The following ST6GALNAC3 variants were observed in gnomAD, a reference collection of about 807,000 sequenced individuals.
The protein encoded by ST6GALNAC3 is alpha-N-acetylgalactosaminide alpha-2,6-sialyltransferase 3.
In ST6GALNAC3, 25 loss-of-function variants were observed where a neutral mutation model predicts 32.7. The observed-to-expected ratio is 0.76, with a 90% CI of 0.56 to 1.07. ST6GALNAC3 has a LOEUF of 1.07. ST6GALNAC3 is among the 50% of genes least tolerant of loss of function. ST6GALNAC3 has a pLI of 0.00. For synonymous variants in ST6GALNAC3, 129 were observed against 133.1 expected, an observed-to-expected ratio of 0.97 and a Z score of 0.21; for missense variants, 355 against 382.4, an observed-to-expected ratio of 0.93 and a Z score of 0.60.
intron 1 of ST6GALNAC3, among the ~76,000 whole-genome samples, chr1:76,304,512 G>A (rs576551328): frequency 6.6e-6 from 1 of 152,068 alleles, no homozygotes; most frequent in South Asian, 2.1e-4. Flanking sequence ...TACAGCAAGG[G>A]GGCCAGGAGG....
chr1:76,440,801 A>T (rs929318052), intron 3 of ST6GALNAC3, among the ~76,000 whole-genome samples: 1 of 152,174 alleles, frequency 6.6e-6, no homozygotes, highest in African/African-American at 2.4e-5. Flanking sequence ...AAACAACAAC[A>T]TAGAGGCTGG....
chr1:76,536,654 CAAAAA>C (rs35157329), intron 3 of ST6GALNAC3, among the ~76,000 whole-genome samples: 3 of 57,608 alleles, frequency 5.2e-5, no homozygotes, highest in Non-Finnish European at 6.5e-5. Flanking sequence ...AAATGGAAAG[CAAAAA>C]AAAAAAAAAA....
chr1:76,229,684 A>G (rs568451978), intron 1 of ST6GALNAC3, among the ~76,000 whole-genome samples: 21 of 152,216 alleles, frequency 1.4e-4, no homozygotes, highest in Non-Finnish European at 2.6e-4. Flanking sequence ...GATTCCATGT[A>G]GCTGTTGTTC....
At chr1:76,075,358 C>T (rs1218554551) in intron 1 of ST6GALNAC3, among the ~76,000 whole-genome samples, 1 of 150,914 alleles carries the variant, frequency 6.6e-6, no homozygotes, top group Non-Finnish European at 1.5e-5. Flanking sequence ...AAGACAGAAA[C>T]TTCTGAGTTT....
intron 3 of ST6GALNAC3, among the ~76,000 whole-genome samples, chr1:76,450,711 A>C (rs187979222): frequency 4.8e-4 from 73 of 152,328 alleles, no homozygotes; most frequent in Admixed American, 4.8e-3. Flanking sequence ...TGCTTGAGCC[A>C]TCTTGAGTCG....
intron 3 of ST6GALNAC3, among the ~76,000 whole-genome samples, chr1:76,436,165 A>C (rs984492171): frequency 2.0e-5 from 3 of 152,176 alleles, no homozygotes; most frequent in African/African-American, 7.2e-5. Flanking sequence ...ATTCGAATGC[A>C]AAAAGTGTAA....
chr1:76,238,812 G>T (rs1656804213), intron 1 of ST6GALNAC3, among the ~76,000 whole-genome samples: 1 of 152,090 alleles, frequency 6.6e-6, no homozygotes, highest in African/African-American at 2.4e-5. Context: ...CAAATATGAT[G>T]GATCCTATAC....
chr1:76,580,633 T>C (rs1646879123), intron 3 of ST6GALNAC3, among the ~76,000 whole-genome samples: 1 of 152,030 alleles, frequency 6.6e-6, no homozygotes, highest in Non-Finnish European at 1.5e-5. Context: ...TTTTTGTGTC[T>C]TCATCACTGT....
At position 76,455,614 on chromosome 1, in the gene ST6GALNAC3, T is replaced by C. The variant is rs116181008; in HGVS notation, c.623+43197T>C. ...CTACAAGTTGAAAACCAATTCTCCA[T>C]TGTGTCCGTTGCTCTCTTTATTTCA... On this transcript the variant is annotated intron_variant, in intron 3 of 4. Transcript: ENST00000328299. Among the ~76,000 whole-genome samples the C allele has an allele frequency of 5.1e-3, 779 of 152,282 alleles. 8 individuals are homozygous for C. The highest frequency in any genetic ancestry group is 0.017 in the African/African-American group (713 of 41,554).
chr1:76,578,154 A>G (rs1340850100), intron 3 of ST6GALNAC3, among the ~76,000 whole-genome samples: 1 of 152,096 alleles, frequency 6.6e-6, no homozygotes, highest in African/African-American at 2.4e-5. Context: ...TACATGCCAC[A>G]TATTTGGCTT....
intron 3 of ST6GALNAC3, among the ~76,000 whole-genome samples, chr1:76,520,038 C>T (rs1292084265): frequency 1.3e-5 from 2 of 151,530 alleles, no homozygotes; most frequent in African/African-American, 4.8e-5. Context: ...ATACATATTT[C>T]CATTTTATTT....
intron 1 of ST6GALNAC3, among the ~76,000 whole-genome samples, chr1:76,267,224 A>C (rs1658583924): frequency 6.6e-6 from 1 of 152,028 alleles, no homozygotes; most frequent in Non-Finnish European, 1.5e-5. Flanking sequence ...CTTGATCATG[A>C]CCCCTTGCCT....
chr1:76,367,917 T>C (rs1181143193), intron 2 of ST6GALNAC3, among the ~76,000 whole-genome samples: 2 of 152,218 alleles, frequency 1.3e-5, no homozygotes, highest in African/African-American at 4.8e-5. Flanking sequence ...CTTCTTTTCA[T>C]TGTGCCACAG....
At chr1:76,584,885 C>T (rs558381798) in intron 3 of ST6GALNAC3, among the ~76,000 whole-genome samples, 139 of 152,266 alleles carry the variant, frequency 9.1e-4, no homozygotes, top group African/African-American at 3.1e-3. Flanking sequence ...ATTTCAGAGG[C>T]CTTATGTAAT....
intron 1 of ST6GALNAC3, among the ~76,000 whole-genome samples, chr1:76,115,715 T>C (rs562547531): frequency 6.6e-6 from 1 of 152,216 alleles, no homozygotes; most frequent in African/African-American, 2.4e-5. Flanking sequence ...GCATCCCTTA[T>C]GCCTTCAGGG....
chr1:76,521,298 T>G (rs35754395), intron 3 of ST6GALNAC3, among the ~76,000 whole-genome samples: 1 of 145,036 alleles, frequency 6.9e-6, no homozygotes, highest in African/African-American at 2.8e-5. Flanking sequence ...TATATATATA[T>G]ACACACACAC....
chr1:76,221,854 C>A (rs1317187649), intron 1 of ST6GALNAC3, among the ~76,000 whole-genome samples: 1 of 152,074 alleles, frequency 6.6e-6, no homozygotes, highest in East Asian at 1.9e-4. Flanking sequence ...ATATAAAAGT[C>A]ATGACTCAAA....
intron 1 of ST6GALNAC3, among the ~76,000 whole-genome samples, chr1:76,080,902 C>T (rs963009321): frequency 1.4e-4 from 21 of 152,188 alleles, no homozygotes; most frequent in African/African-American, 5.1e-4. Flanking sequence ...GGCCTAATTT[C>T]CAGTCTTACA....
intron 1 of ST6GALNAC3, among the ~76,000 whole-genome samples, chr1:76,301,900 T>C (rs79991129): frequency 0.022 from 3,354 of 151,962 alleles, 50 homozygotes; most frequent in Non-Finnish European, 0.039. Context: ...GTATTTTGCA[T>C]TGGTAAATTC....
Sources: allele counts gnomAD v4.1 joint callset (sites outside exome capture counted in the v4.1 genomes callset), GRCh38; gene constraint gnomAD v4.1.1; transcripts MANE v1.5; gene names NCBI Gene and HGNC (gene_info 2026-07-23, HGNC 2026-07-21).